The following NUFIP2 variants were observed in gnomAD, a reference collection of about 807,000 sequenced individuals.
The protein encoded by NUFIP2 is nuclear FMR1 interacting protein 2, also known as FMR1-interacting protein NUFIP2.
In NUFIP2, 6 loss-of-function variants were observed where a neutral mutation model predicts 56.9. The ratio of observed to expected loss-of-function variants is 0.11; its 90% confidence interval spans 0.06 to 0.21. The LOEUF is 0.21. Ranked by LOEUF, NUFIP2 falls within the 10% of genes least tolerant of loss-of-function variation. The probability of loss-of-function intolerance (pLI) is 1.00; values close to 1 mark genes in which losing one functional copy is unlikely to be tolerated. For missense variants in NUFIP2, 828 were observed against 826.8 expected (o/e 1.00, Z -0.02); for synonymous variants, 321 against 298.2 (o/e 1.08, Z -0.79).
At chr17:29,283,310 C>G (rs1368429477) in intron 2 of NUFIP2, among the ~76,000 whole-genome samples, 4 of 152,136 alleles carry the variant, frequency 2.6e-5, no homozygotes, top group Non-Finnish European at 4.4e-5. Flanking sequence ...AACTATTAAC[C>G]AGTTACCTAA....
rs376821554 is a variant in NUFIP2, at chr17:29,286,630, T to C, written c.1364A>G (p.Gln455Arg). ...PISSGTDSVL[Q>R]DMSLTSAAVE... Reference sequence around the variant, plus strand: ...AGCTGCTGAAGTTAGACTCATGTCCTGGAGAACTGAATCTGTCCCAGAAGA... The same window carrying C: ...AGCTGCTGAAGTTAGACTCATGTCCCGGAGAACTGAATCTGTCCCAGAAGA... Residue 455 changes from glutamine to arginine, a missense_variant, in exon 2 of 4, where the codon CAG (glutamine) becomes CGG (arginine). By Grantham distance (43) the Gln-to-Arg change is conservative (BLOSUM62 1). Around this residue, in one of 3 missense-constraint regions of NUFIP2, gnomAD observed 404 missense variants for 380.3 expected, o/e 1.06. Transcript: ENST00000225388. The C allele has an allele frequency of 6.2e-7, 1 of 1,614,096 alleles. No homozygotes were observed. Among genetic ancestry groups the C allele is most frequent in the African/African-American group, 1.3e-5 (1 of 74,954 alleles).
Position 29,256,442 on chromosome 17 carries a change from C to T in NUFIP2, c.*8097G>A, listed in dbSNP as rs951340805. ...CACCTTTTAAGTCTTAACTGGATAA[C>T]TTAGTTTTTAACTGCCACTATCAAT... On this transcript the variant is annotated 3_prime_UTR_variant, in exon 4 of 4. Transcript: ENST00000225388. The T allele has an allele frequency of 1.3e-5, 2 of 152,140 alleles. No homozygotes were observed. The highest frequency in any genetic ancestry group is 2.9e-5 in the Non-Finnish European group (2 of 68,032). 9.4% of individuals were successfully genotyped at this position (152,140 alleles called of 1,614,324 possible).
Position 29,287,655 on chromosome 17 carries a change from A to T in NUFIP2, c.339T>A (p.Ser113=). 1 of 1,613,922 alleles carries T rather than the reference A, an allele frequency of 6.2e-7. No individual in the cohort carries two copies. Among genetic ancestry groups the T allele is most frequent in the Middle Eastern group, 1.7e-4 (1 of 6,060 alleles). Residue 113 remains serine (S), a synonymous_variant, in exon 2 of 4, where the codon TCT becomes TCA. Transcript: ENST00000225388. ...TGGAAATAGGGTTGGTGGCTTCATC[A>T]GAACTCAGGTTCTTTAAAGATATTT... is the stretch of plus-strand genomic sequence containing the variant. ...EREISLKNLS[S]DEATNPISRV...
Position 29,293,831 on chromosome 17 carries a change from G to A in NUFIP2, c.229C>T (p.Gln77Ter). The change falls in exon 1 of 4, where the codon CAG becomes TAG. Residue 77 changes from glutamine to a stop codon, truncating the protein, a stop_gained. Coordinates refer to ENST00000225388, the MANE Select transcript of NUFIP2 (RefSeq NM_020772.3). LOFTEE classifies it high-confidence loss of function. Reference sequence around the variant, plus strand: ...TGGTGCTGCTGGAGGGTGTGTTTCTGCTCATGTTTCAGCGGCTTTGGCTGG... The same window carrying A: ...TGGTGCTGCTGGAGGGTGTGTTTCTACTCATGTTTCAGCGGCTTTGGCTGG... ...KAQPKPLKHE[Q>*]KHTLQQHQET... The A allele has an allele frequency of 6.2e-7, 1 of 1,605,282 alleles. No individual in the cohort carries two copies. The highest frequency in any genetic ancestry group is 1.1e-5 in the South Asian group (1 of 90,714).
intron 2 of NUFIP2, among the ~76,000 whole-genome samples, chr17:29,275,138 C>CA (rs1039966971): frequency 2.6e-5 from 4 of 151,330 alleles, no homozygotes; most frequent in African/African-American, 9.7e-5. Context: ...CCTGCCTCAG[C>CA]CCCCCCCAAG....
chr17:29,287,272 T>C lies in NUFIP2; in HGVS notation c.722A>G (p.Gln241Arg), dbSNP rs770470780. The C allele has an allele frequency of 6.2e-7, 1 of 1,614,202 alleles. No homozygotes were observed. Among genetic ancestry groups the C allele is most frequent in the East Asian group, 2.2e-5 (1 of 44,890 alleles). ...AKGCENLNIV[Q>R]DKIMQQETSV... ...GGTCTCTTGTTGCATTATTTTGTCC[T>C]GCACTATATTAAGGTTTTCACAACC... is the stretch of plus-strand genomic sequence containing the variant. The change falls in exon 2 of 4, where the codon CAG (glutamine) becomes CGG (arginine). Residue 241 changes from glutamine to arginine, a missense_variant. This residue lies in a region of NUFIP2 where 415 missense variants were observed against 408.7 expected (regional missense o/e 1.02). Coordinates refer to ENST00000225388, the MANE Select transcript of NUFIP2 (RefSeq NM_020772.3).
intron 2 of NUFIP2, among the ~76,000 whole-genome samples, chr17:29,273,476 T>C (rs953894414): frequency 3.3e-5 from 5 of 151,806 alleles, no homozygotes; most frequent in African/African-American, 2.4e-5. Context: ...CCAGCCTTGA[T>C]CTTTTAACAC....
intron 2 of NUFIP2, among the ~76,000 whole-genome samples, chr17:29,279,565 A>G (rs2069127981): frequency 6.6e-6 from 1 of 152,068 alleles, no homozygotes; most frequent in Non-Finnish European, 1.5e-5. Context: ...ACAGGGTCTC[A>G]CTCTGTTGCA....
rs1338012702 is a variant in NUFIP2, at chr17:29,258,165, G to A, written c.*6374C>T. 1.3e-5 allele frequency: 2 copies of A among 151,936 alleles called. No individual in the cohort carries two copies. The highest frequency in any genetic ancestry group is 4.8e-5 in the African/African-American group (2 of 41,354). 9.4% of individuals were successfully genotyped at this position (151,936 alleles called of 1,614,324 possible). A position where few individuals can be genotyped will look rare whatever the true frequency, so the allele number is the denominator to read the frequency against. ...AAGCAAATTAAAATTTTGGCTTTGC[G>A]ATATTGGCAACATCAAAATATAACC... On this transcript the variant is annotated 3_prime_UTR_variant, in exon 4 of 4. Coordinates refer to ENST00000225388, the MANE Select transcript of NUFIP2 (RefSeq NM_020772.3).
chr17:29,281,692 A>T (rs1206524387), intron 2 of NUFIP2, among the ~76,000 whole-genome samples: 5 of 50,020 alleles, frequency 1.0e-4, no homozygotes, highest in Admixed American at 8.9e-4. Context: ...GTCTCTTTAA[A>T]AAAAAAAAAA....
Position 29,267,489 on chromosome 17 carries a change from C to T in NUFIP2, c.2035+9G>A, listed in dbSNP as rs1174411395. The T allele has an allele frequency of 6.8e-7, 1 of 1,468,498 alleles. No homozygotes were observed. Among genetic ancestry groups the T allele is most frequent in the Admixed American group, 1.8e-5 (1 of 54,404 alleles). The allele number at this position is 1,468,498 out of a possible 1,614,324, so 91.0% of individuals were successfully genotyped here. A position where few individuals can be genotyped will look rare whatever the true frequency, so the allele number is the denominator to read the frequency against. The stretch of plus-strand genomic sequence containing the variant: ...TTAGTGACATTTTAAGTAATCTAAT[C>T]ATTCTTACCTTGCTTCTGCAAATTC... On this transcript the variant is annotated intron_variant, in intron 3 of 3. Transcript: ENST00000225388.
intron 2 of NUFIP2, among the ~76,000 whole-genome samples, chr17:29,282,626 A>G (rs1487088924): frequency 6.6e-6 from 1 of 152,022 alleles, no homozygotes; most frequent in Non-Finnish European, 1.5e-5. Flanking sequence ...CACCATTCTT[A>G]AAGAAGTGAC....
At chr17:29,277,480 G>C (rs56945664) in intron 2 of NUFIP2, among the ~76,000 whole-genome samples, 10 of 151,936 alleles carry the variant, frequency 6.6e-5, no homozygotes, top group African/African-American at 2.4e-4. Context: ...AGCCATTTTG[G>C]ATCAAATTCT....
chr17:29,293,646 A>C, intron 1 of NUFIP2, 137 bp downstream of exon 1: 1 of 919,628 alleles, frequency 1.1e-6, no homozygotes, highest in Non-Finnish European at 1.6e-6. Context: ...CTAGAATGAA[A>C]GGGGCATCCC....
chr17:29,284,767 A>G (rs1277090327), intron 2 of NUFIP2, among the ~76,000 whole-genome samples: 2 of 152,006 alleles, frequency 1.3e-5, no homozygotes, highest in African/African-American at 2.4e-5. Flanking sequence ...GAAACTTGAA[A>G]GATACCTGGT....
At chr17:29,265,545 G>A (rs62065196) in intron 3 of NUFIP2, among the ~76,000 whole-genome samples, 2,683 of 147,370 alleles carry the variant, frequency 0.018, 42 homozygotes, top group Non-Finnish European at 0.03. Context: ...CTCGTGATCC[G>A]CCCGCCTCGG....
intron 1 of NUFIP2, among the ~76,000 whole-genome samples, chr17:29,289,522 G>A (rs2069198073): frequency 6.6e-6 from 1 of 152,054 alleles, no homozygotes; most frequent in Admixed American, 6.6e-5. Context: ...AATCCGGGAG[G>A]CAGAGGTTGC....
chr17:29,273,188 C>T (rs1240229891), intron 2 of NUFIP2, among the ~76,000 whole-genome samples: 2 of 152,074 alleles, frequency 1.3e-5, no homozygotes, highest in East Asian at 1.9e-4. Flanking sequence ...TACAGGTGCA[C>T]GTCACCATAC....
Position 29,286,141 on chromosome 17 carries a change from T to A in NUFIP2, c.1853A>T (p.Asp618Val). Residue 618 changes from aspartate (D) to valine (V), a missense_variant, in exon 2 of 4, where the codon GAC becomes GTC. By Grantham distance (152) the Asp-to-Val change is radical. Coordinates refer to ENST00000225388, the MANE Select transcript of NUFIP2 (RefSeq NM_020772.3). ...SQGALVFLSK[D>V]YEIESQNPLA... ...AGGATTTTGACTTTCTATCTCGTAGTCCTTTGAGAGAAACACTAAAGCACC... is the reference window on the plus strand; with the variant it reads ...AGGATTTTGACTTTCTATCTCGTAGACCTTTGAGAGAAACACTAAAGCACC... The A allele has an allele frequency of 6.2e-7, 1 of 1,614,170 alleles. No homozygotes were observed. The highest frequency in any genetic ancestry group is 1.3e-5 in the African/African-American group (1 of 75,048).
Sources: gnomAD v4.1 joint callset for allele counts (sites outside exome capture counted in the v4.1 genomes callset) on GRCh38, gnomAD v4.1.1 for gene constraint, gnomAD v4.1.1 regional missense constraint, MANE v1.5 for transcripts, NCBI Gene and HGNC (gene_info 2026-07-23, HGNC 2026-07-21) for gene names.